Variants in TRAPPC9 observed in about 807,000 individuals in gnomAD.
TRAPPC9 encodes IKK2 binding protein.
In TRAPPC9, 83 loss-of-function variants were observed where a neutral mutation model predicts 124.0. The observed-to-expected ratio is 0.67, with a 90% CI of 0.56 to 0.80. The LOEUF is 0.80. TRAPPC9 is among the 30% of genes least tolerant of loss of function. TRAPPC9 has a pLI of 0.00. For synonymous variants in TRAPPC9, 638 were observed against 617.5 expected (o/e 1.03, Z -0.49); for missense variants, 1,302 against 1,508.3 (o/e 0.86, Z 2.27).
intron 21 of TRAPPC9, among the ~76,000 whole-genome samples, chr8:139,781,655 T>A (rs1821826533): frequency 6.6e-6 from 1 of 152,332 alleles, no homozygotes; most frequent in African/African-American, 2.4e-5. Context: ...GTAGGTTCAT[T>A]GATTATAACA....
chr8:139,999,664 A>T (rs2131785220), intron 18 of TRAPPC9, among the ~76,000 whole-genome samples: 1 of 152,324 alleles, frequency 6.6e-6, no homozygotes, highest in East Asian at 1.9e-4. Flanking sequence ...ACCACATTCT[A>T]GGCCACAGAA....
At chr8:140,206,074 C>T (rs2062909691) in intron 17 of TRAPPC9, among the ~76,000 whole-genome samples, 1 of 152,122 alleles carries the variant, frequency 6.6e-6, no homozygotes, top group South Asian at 2.1e-4. Context: ...AGGTTTATCC[C>T]CAGAATGCAA....
At chr8:140,238,625 A>T (rs959584455) in intron 16 of TRAPPC9, 6 of 152,234 alleles carry the variant, frequency 3.9e-5, no homozygotes, top group African/African-American at 1.4e-4. Flanking sequence ...CACAAAACAA[A>T]AGTAGCGCAT....
At chr8:139,913,872 C>G (rs969378366) in intron 19 of TRAPPC9, 2 of 152,368 alleles carry the variant, frequency 1.3e-5, no homozygotes, top group African/African-American at 4.8e-5. Context: ...TCCACCTGGT[C>G]CCAGGCACAG....
chr8:140,339,578 T>C (rs373832831), intron 9 of TRAPPC9, among the ~76,000 whole-genome samples: 15 of 152,304 alleles, frequency 9.8e-5, no homozygotes, highest in African/African-American at 2.9e-4. Flanking sequence ...CAACTCCTCA[T>C]CTGGTCCTTT....
chr8:139,872,184 G>A (rs994844805), intron 21 of TRAPPC9, among the ~76,000 whole-genome samples: 1 of 150,196 alleles, frequency 6.7e-6, no homozygotes, highest in African/African-American at 2.4e-5. Flanking sequence ...GAGTGGGCTG[G>A]TAGACGGGTT....
At chr8:140,280,330 C>A (rs1026251808) in intron 14 of TRAPPC9, among the ~76,000 whole-genome samples, 1 of 152,252 alleles carries the variant, frequency 6.6e-6, no homozygotes, top group Non-Finnish European at 1.5e-5. Flanking sequence ...TTCTAAACAG[C>A]ATGTGCAGGT....
intron 19 of TRAPPC9, among the ~76,000 whole-genome samples, chr8:139,959,849 G>GC (rs1222561194): frequency 6.6e-6 from 1 of 152,184 alleles, no homozygotes. Flanking sequence ...ACTTCAAAGG[G>GC]CCAATGAGGC....
At chr8:139,978,809 G>A (rs76635620) in intron 19 of TRAPPC9, among the ~76,000 whole-genome samples, 2,231 of 152,314 alleles carry the variant, frequency 0.015, 47 homozygotes, top group African/African-American at 0.05. Flanking sequence ...CTCACTCCCC[G>A]CTGGACAGAT....
At chr8:140,285,716 C>A (rs1305788153) in intron 13 of TRAPPC9, among the ~76,000 whole-genome samples, 1 of 152,024 alleles carries the variant, frequency 6.6e-6, no homozygotes, top group East Asian at 1.9e-4. Context: ...TGGACTCCCC[C>A]CACAGCCCAC....
intron 15 of TRAPPC9, among the ~76,000 whole-genome samples, chr8:140,271,753 A>C (rs971769736): frequency 3.3e-5 from 5 of 152,244 alleles, no homozygotes; most frequent in African/African-American, 1.2e-4. Context: ...GAGTGCAAAC[A>C]CCAAGTAAAG....
chr8:140,278,689 C>A (rs564247636), intron 14 of TRAPPC9, among the ~76,000 whole-genome samples: 57 of 152,252 alleles, frequency 3.7e-4, no homozygotes, highest in African/African-American at 9.4e-4. Context: ...ACAGGAGATG[C>A]CATCAGGCCG....
rs587780485 is a variant in TRAPPC9 at position 140,300,462 on chromosome 8, G to A, written c.1768+7C>T. The A allele has an allele frequency of 9.3e-6, 15 of 1,613,962 alleles. No homozygotes were observed. The highest frequency in any genetic ancestry group is 6.7e-5 in the African/African-American group (5 of 74,916). On this transcript the variant is annotated splice_region_variant and intron_variant, in intron 11 of 22. Transcript: ENST00000438773. ...GCACGGTGGGAAAGCCAGGATCGAC[G>A]TCCTACCTATTTTCTTGTTCCGCTC...
At chr8:140,035,426 GGGACC>G (rs1429885811) in intron 17 of TRAPPC9, among the ~76,000 whole-genome samples, 3 of 152,156 alleles carry the variant, frequency 2.0e-5, no homozygotes, top group Non-Finnish European at 4.4e-5. Flanking sequence ...GAAATTGATG[GGGACC>G]CCCAGCAAAG....
In TRAPPC9 at chr8:140,330,978, C is replaced by T. The variant is rs550212894; in HGVS notation, c.1496-19604G>A. ...AAATAGAAAAACAAATCCTAAAATTCATATGGAACCTTAAAAATCCTCAAA... is the reference window on the plus strand; with the variant it reads ...AAATAGAAAAACAAATCCTAAAATTTATATGGAACCTTAAAAATCCTCAAA... On this transcript the variant is annotated intron_variant, in intron 9 of 22. Coordinates refer to ENST00000438773, the MANE Select transcript of TRAPPC9 (RefSeq NM_001160372.4). Among the ~76,000 whole-genome samples, 3 of 152,098 alleles carry T rather than the reference C, an allele frequency of 2.0e-5. No homozygotes were observed. The East Asian group carries it at 5.8e-4, about 29-fold the overall frequency.
chr8:140,160,950 G>C (rs1178024237), intron 17 of TRAPPC9, among the ~76,000 whole-genome samples: 1 of 152,120 alleles, frequency 6.6e-6, no homozygotes, highest in Non-Finnish European at 1.5e-5. Flanking sequence ...GCTATGCATC[G>C]CAGAATGTTT....
In TRAPPC9 at chr8:140,015,495, G is replaced by A. The variant is rs1314435635; in HGVS notation, c.2699+8442C>T. ...GCATACTAATTCTGTTGTGTTCCAG[G>A]CCTTGCAATTTACACAGGTCCCTAT... On this transcript the variant is annotated intron_variant, in intron 18 of 22. Coordinates refer to ENST00000438773, the MANE Select transcript of TRAPPC9 (RefSeq NM_001160372.4). Among the ~76,000 whole-genome samples, 3 of 152,148 alleles carry A rather than the reference G, an allele frequency of 2.0e-5. No individual in the cohort carries two copies. The East Asian group carries it at 5.8e-4, about 29-fold the overall frequency.
intron 19 of TRAPPC9, among the ~76,000 whole-genome samples, chr8:139,926,750 G>A (rs1369101664): frequency 2.0e-5 from 3 of 152,040 alleles, no homozygotes; most frequent in Admixed American, 6.6e-5. Context: ...AACACCTCCT[G>A]AATGGAGAAC....
At chr8:139,775,239 C>T (rs1274821635) in intron 21 of TRAPPC9, among the ~76,000 whole-genome samples, 10 of 152,194 alleles carry the variant, frequency 6.6e-5, no homozygotes, top group Admixed American at 3.9e-4. Context: ...CCTGCCAGTC[C>T]GGAAGCTCTG....
Sources: gnomAD v4.1 joint callset for allele counts (sites outside exome capture counted in the v4.1 genomes callset) on GRCh38, gnomAD v4.1.1 for gene constraint, MANE v1.5 for transcripts, NCBI Gene and HGNC (gene_info 2026-07-23, HGNC 2026-07-21) for gene names.